The following CSMD1 variants were observed in gnomAD, a reference collection of about 807,000 sequenced individuals.
CSMD1 encodes CUB and sushi domain-containing protein 1.
CSMD1 carries 213 observed loss-of-function variants against 417.5 expected under a neutral mutation model. That is an observed-to-expected ratio of 0.51 (90% confidence interval 0.46 to 0.57). The LOEUF (loss-of-function observed/expected upper bound fraction) is 0.57. Ranked by LOEUF, CSMD1 falls within the 20% of genes least tolerant of loss-of-function variation. The pLI is 0.00. For synonymous variants in CSMD1, 2,862 were observed against 1,736.8 expected, an observed-to-expected ratio of 1.65 and a Z score of -16.11; for missense variants, 6,923 against 4,529.7, an observed-to-expected ratio of 1.53 and a Z score of -15.17.
chr8:3,344,319 C>G (rs1311743590), intron 22 of CSMD1, among the ~76,000 whole-genome samples: 1 of 152,122 alleles, frequency 6.6e-6, no homozygotes, highest in Non-Finnish European at 1.5e-5. Context: ...CACTGACTTT[C>G]TAGTAGGACA....
At chr8:4,080,460 A>G (rs1415238966) in intron 3 of CSMD1, among the ~76,000 whole-genome samples, 2 of 152,366 alleles carry the variant, frequency 1.3e-5, no homozygotes, top group East Asian at 1.9e-4. Flanking sequence ...CATATGATCA[A>G]TAAGGTTTTA....
In CSMD1 at chr8:4,444,113, A is replaced by G. The variant is rs140520225; in HGVS notation, c.303-24048T>C. On this transcript the variant is annotated intron_variant, in intron 2 of 69. Coordinates refer to ENST00000635120, the MANE Select transcript of CSMD1 (RefSeq NM_033225.6). ...CCCCAGCACTTTGGGAGGTCGAGGC[A>G]GGTCGATCACTTCAGGTCAGAAATT... 2.6e-3 allele frequency among the ~76,000 whole-genome samples: 399 copies of G among 152,180 alleles called. 2 individuals carry two copies. The highest frequency in any genetic ancestry group is 4.3e-3 in the Non-Finnish European group (293 of 68,002).
intron 1 of CSMD1, among the ~76,000 whole-genome samples, chr8:4,657,214 C>G (rs1804285876): frequency 6.6e-6 from 1 of 152,148 alleles, no homozygotes; most frequent in South Asian, 2.1e-4. Context: ...TTTTCCCAAA[C>G]TTTCACACCT....
chr8:4,023,255 T>A (rs1006191943), intron 4 of CSMD1, among the ~76,000 whole-genome samples: 1 of 152,178 alleles, frequency 6.6e-6, no homozygotes, highest in Non-Finnish European at 1.5e-5. Context: ...CCGCTGCGCA[T>A]AAAAACATCT....
At chr8:4,452,291 C>G (rs1249565028) in intron 2 of CSMD1, among the ~76,000 whole-genome samples, 1 of 152,158 alleles carries the variant, frequency 6.6e-6, no homozygotes, top group Non-Finnish European at 1.5e-5. Context: ...CTTGTCTTAA[C>G]AACTATTTAG....
chr8:4,966,487 A>C (rs1809866050), intron 1 of CSMD1, among the ~76,000 whole-genome samples: 1 of 152,216 alleles, frequency 6.6e-6, no homozygotes, highest in Non-Finnish European at 1.5e-5. Context: ...TCAATGGGAC[A>C]CATCGCGAGG....
At chr8:4,486,772 T>C (rs1407173309) in intron 2 of CSMD1, among the ~76,000 whole-genome samples, 1 of 152,128 alleles carries the variant, frequency 6.6e-6, no homozygotes. Context: ...AGAACCTGAG[T>C]GATAAACGAT....
At chr8:4,679,582 G>T (rs1013697867) in intron 1 of CSMD1, among the ~76,000 whole-genome samples, 1 of 152,022 alleles carries the variant, frequency 6.6e-6, no homozygotes, top group Non-Finnish European at 1.5e-5. Flanking sequence ...TATGAAAACT[G>T]CAATAAGTTC....
intron 1 of CSMD1, among the ~76,000 whole-genome samples, chr8:4,829,898 G>A (rs1376219105): frequency 2.0e-5 from 3 of 152,150 alleles, no homozygotes; most frequent in Admixed American, 6.5e-5. Context: ...AGTCCTTATA[G>A]GTAATGCCAC....
In CSMD1 at chr8:4,889,429, T is replaced by A. The variant is rs577826578; in HGVS notation, c.85+104903A>T. On this transcript the variant is annotated intron_variant, in intron 1 of 69. Coordinates refer to ENST00000635120, the MANE Select transcript of CSMD1 (RefSeq NM_033225.6). ...AAGCCTGAATCCTGGCTGGGAAAAG[T>A]AGCCAAAATTTGAATAAGCTTTGTA... Among the ~76,000 whole-genome samples, 473 of 152,226 alleles carry A rather than the reference T, an allele frequency of 3.1e-3. 2 individuals carry two copies. Among genetic ancestry groups the A allele is most frequent in the Non-Finnish European group, 5.1e-3 (345 of 68,032 alleles).
At chr8:3,166,513 A>G (rs566206525) in intron 37 of CSMD1, among the ~76,000 whole-genome samples, 88 of 152,228 alleles carry the variant, frequency 5.8e-4, no homozygotes, top group African/African-American at 2.0e-3. Context: ...CAGCCTGGGC[A>G]ACAGAGCGAG....
chr8:3,925,011 A>C (rs1460559012), intron 5 of CSMD1, among the ~76,000 whole-genome samples: 1 of 152,152 alleles, frequency 6.6e-6, no homozygotes, highest in Non-Finnish European at 1.5e-5. Flanking sequence ...TGGTAAGAGA[A>C]AGACTTTAAA....
chr8:4,454,119 G>C (rs2915064), intron 2 of CSMD1, among the ~76,000 whole-genome samples: 14 of 152,110 alleles, frequency 9.2e-5, no homozygotes, highest in Non-Finnish European at 1.9e-4. Context: ...ACTGTGCCCA[G>C]CCTGCAATTC....
At chr8:4,311,740 A>AAAAAC (rs1798589207) in intron 3 of CSMD1, among the ~76,000 whole-genome samples, 1 of 139,384 alleles carries the variant, frequency 7.2e-6, no homozygotes, top group Non-Finnish European at 1.5e-5. Context: ...AAAAAAAAAA[A>AAAAAC]GTAGAATCTA....
chr8:3,749,804 T>C (rs1263525961), intron 6 of CSMD1, among the ~76,000 whole-genome samples: 1 of 152,108 alleles, frequency 6.6e-6, no homozygotes, highest in Admixed American at 6.6e-5. Context: ...TTTCTCTCTT[T>C]CCATGTTTGT....
At chr8:3,929,378 A>T (rs567369538) in intron 5 of CSMD1, among the ~76,000 whole-genome samples, 4 of 150,690 alleles carry the variant, frequency 2.7e-5, no homozygotes, top group African/African-American at 9.8e-5. Context: ...AAAGTTCGTG[A>T]ATGTTCACAG....
intron 3 of CSMD1, among the ~76,000 whole-genome samples, chr8:4,323,883 C>T (rs1799409237): frequency 6.6e-6 from 1 of 152,118 alleles, no homozygotes; most frequent in Admixed American, 6.6e-5. Flanking sequence ...TGAAGAAACT[C>T]CACATTTTGA....
At chr8:4,429,325 T>C (rs1797739070) in intron 2 of CSMD1, among the ~76,000 whole-genome samples, 1 of 152,088 alleles carries the variant, frequency 6.6e-6, no homozygotes, top group Admixed American at 6.6e-5. Context: ...TCAAGAGCTT[T>C]ACATGTGTAT....
At chr8:3,460,588 C>G (rs147128934) in intron 12 of CSMD1, among the ~76,000 whole-genome samples, 3 of 152,008 alleles carry the variant, frequency 2.0e-5, no homozygotes, top group African/African-American at 7.2e-5. Context: ...ACTGTGGAAG[C>G]CGACTAAGGG....
Sources: gnomAD v4.1 joint callset for allele counts (sites outside exome capture counted in the v4.1 genomes callset) on GRCh38, gnomAD v4.1.1 for gene constraint, MANE v1.5 for transcripts, NCBI Gene and HGNC (gene_info 2026-07-23, HGNC 2026-07-21) for gene names.